The following SMARCC1 variants were observed in gnomAD, a reference collection of about 807,000 sequenced individuals.
The protein encoded by SMARCC1 is SWI/SNF related BAF chromatin remodeling complex subunit C1.
In SMARCC1, 43 loss-of-function variants were observed where a neutral mutation model predicts 147.4. That is an observed-to-expected ratio of 0.29 (90% CI 0.23 to 0.38). The LOEUF (loss-of-function observed/expected upper bound fraction) is 0.38, where lower values mean the gene tolerates loss of function less well. Ranked by LOEUF, SMARCC1 falls within the 10% of genes least tolerant of loss-of-function variation. The pLI is 1.00. For missense variants in SMARCC1, 1,119 were observed against 1,381.1 expected, an observed-to-expected ratio of 0.81 and a Z score of 3.01; for synonymous variants, 495 against 484.4, an observed-to-expected ratio of 1.02 and a Z score of -0.29.
chr3:47,765,428 A>T (rs2034827530), intron 2 of SMARCC1, among the ~76,000 whole-genome samples: 1 of 152,108 alleles, frequency 6.6e-6, no homozygotes, highest in Non-Finnish European at 1.5e-5. Flanking sequence ...AATTTATTTT[A>T]CTCACTTTCT....
chr3:47,665,503 G>A (rs1051795104), intron 19 of SMARCC1, among the ~76,000 whole-genome samples: 9 of 151,506 alleles, frequency 5.9e-5, no homozygotes, highest in African/African-American at 1.9e-4. Flanking sequence ...TGTTCCTTTC[G>A]CCAGGGAACA....
rs539176273 is a variant in SMARCC1 at position 47,721,778 on chromosome 3, G to A, written c.647-1043C>T. 2.9e-4 allele frequency among the ~76,000 whole-genome samples: 44 copies of A among 152,122 alleles called. 1 individual carries two copies. Among genetic ancestry groups the A allele is most frequent in the Non-Finnish European group, 1.2e-4 (8 of 68,006 alleles). The stretch of plus-strand genomic sequence containing the variant: ...GTAATCCCAGCACTTTTGGAGGCAG[G>A]GGCAGGAAGATCACTTGAGCCCAGG... On this transcript the variant is annotated intron_variant, in intron 6 of 27. Coordinates refer to ENST00000254480, the MANE Select transcript of SMARCC1 (RefSeq NM_003074.4).
At chr3:47,689,958 T>C (rs1035837438) in intron 12 of SMARCC1, among the ~76,000 whole-genome samples, 1 of 152,056 alleles carries the variant, frequency 6.6e-6, no homozygotes. Flanking sequence ...AGGAAAGAGG[T>C]AGTATTAAAG....
In SMARCC1 at chr3:47,587,260, A is replaced by C. The variant is rs1467731172; in HGVS notation, c.*949T>G. ...TTTTTTTCTTTTAAAGGGTTTTTTAAAGAGGGAGAAAAAAATGCACACAAA... is the reference window on the plus strand; with the variant it reads ...TTTTTTTCTTTTAAAGGGTTTTTTACAGAGGGAGAAAAAAATGCACACAAA... On this transcript the variant is annotated 3_prime_UTR_variant, in exon 28 of 28. Transcript: ENST00000254480. 6.6e-6 allele frequency: 1 copy of C among 152,600 alleles called. No individual in the cohort carries two copies. The highest frequency in any genetic ancestry group is 2.4e-5 in the African/African-American group (1 of 41,536). 9.5% of individuals were successfully genotyped at this position (152,600 alleles called of 1,614,324 possible).
In SMARCC1 at chr3:47,706,424, T is replaced by C. The variant is rs1344025921; in HGVS notation, c.1025A>G (p.Lys342Arg). ...PPPTPTESRK[K>R]SGKKGQASLY... is the part of the protein sequence containing the mutation. ...TAGTTCTTACCCTTTCTTCCCACTC[T>C]TCTTCCGTGATTCTGTTGGTGTCGG... Residue 342 changes from lysine (K) to arginine (R), a missense_variant, in exon 10 of 28, where the codon AAG becomes AGG. This residue lies in a region of SMARCC1 where 542 missense variants were observed against 611.8 expected (regional missense o/e 0.89). Coordinates refer to ENST00000254480, the MANE Select transcript of SMARCC1 (RefSeq NM_003074.4). 1 of 1,575,156 alleles carries C rather than the reference T, an allele frequency of 6.3e-7. No homozygotes were observed. The highest frequency in any genetic ancestry group is 8.6e-7 in the Non-Finnish European group (1 of 1,165,512).
Position 47,758,787 on chromosome 3 carries a change from G to C in SMARCC1, c.316-12794C>G, listed in dbSNP as rs572401458. ...CGGTGGCTCAGGCCTGTAATCCTAC[G>C]TTTTGGGAGGCTGAGGTGGGTGGAT... On this transcript the variant is annotated intron_variant, in intron 2 of 27. Coordinates refer to ENST00000254480, the MANE Select transcript of SMARCC1 (RefSeq NM_003074.4). 6.4e-4 allele frequency among the ~76,000 whole-genome samples: 97 copies of C among 152,020 alleles called. 1 individual carries two copies. The highest frequency in any genetic ancestry group is 1.1e-3 in the Non-Finnish European group (74 of 67,980).
intron 3 of SMARCC1, among the ~76,000 whole-genome samples, chr3:47,741,052 A>G (rs1273569652): frequency 6.6e-6 from 1 of 152,100 alleles, no homozygotes; most frequent in Non-Finnish European, 1.5e-5. Flanking sequence ...AAAAAAAGAT[A>G]AGGAACCAAA....
At position 47,670,418 on chromosome 3, in the gene SMARCC1, C is replaced by T. The variant is rs972296863; in HGVS notation, c.1899+240G>A. The T allele has an allele frequency of 1.4e-4, 70 of 495,646 alleles. No homozygotes were observed. The Admixed American group carries it at 1.4e-3, about 10-fold the overall frequency. The allele number at this position is 495,646 out of a possible 1,614,324, so 30.7% of individuals were successfully genotyped here. A position where few individuals can be genotyped will look rare whatever the true frequency, so the allele number is the denominator to read the frequency against. On this transcript the variant is annotated intron_variant, in intron 19 of 27. Coordinates refer to ENST00000254480, the MANE Select transcript of SMARCC1 (RefSeq NM_003074.4). ...TGGACAACATGGTGAAAGCCCATTGCTACAAAAAATACAAAAATTAGCCAG... is the reference window on the plus strand; with the variant it reads ...TGGACAACATGGTGAAAGCCCATTGTTACAAAAAATACAAAAATTAGCCAG...
chr3:47,602,395 T>C (rs1559623229), intron 26 of SMARCC1, among the ~76,000 whole-genome samples: 1 of 152,190 alleles, frequency 6.6e-6, no homozygotes. Context: ...CCTCCTGGGA[T>C]CAAGTGATCC....
intron 25 of SMARCC1, among the ~76,000 whole-genome samples, chr3:47,612,795 A>G (rs189332181): frequency 6.6e-6 from 1 of 152,340 alleles, no homozygotes; most frequent in Non-Finnish European, 1.5e-5. Flanking sequence ...TAAACCTGAA[A>G]GAGAACCCAG....
At chr3:47,603,730 C>G in intron 26 of SMARCC1, 1 of 251,992 alleles carries the variant, frequency 4.0e-6, no homozygotes, top group South Asian at 4.4e-5. Context: ...GAATGAAATG[C>G]AATGCTGTGT....
intron 25 of SMARCC1, among the ~76,000 whole-genome samples, chr3:47,617,528 A>AACACTT (rs1056353138): frequency 6.6e-6 from 1 of 152,222 alleles, no homozygotes; most frequent in Non-Finnish European, 1.5e-5. Context: ...ATATTTACCA[A>AACACTT]ACACTTACTA....
intron 9 of SMARCC1, among the ~76,000 whole-genome samples, chr3:47,709,396 G>C (rs1302701181): frequency 1.3e-5 from 2 of 151,958 alleles, no homozygotes; most frequent in Non-Finnish European, 2.9e-5. Context: ...TTTCAATAAA[G>C]TAAAACAGGT....
At chr3:47,778,236 T>G (rs565878006) in intron 1 of SMARCC1, among the ~76,000 whole-genome samples, 1 of 150,504 alleles carries the variant, frequency 6.6e-6, no homozygotes, top group East Asian at 1.9e-4. Context: ...CACTGACTCC[T>G]AATTAAGAAA....
chr3:47,678,371 T>C (rs1388281683), intron 15 of SMARCC1, 60 bp from the exon 16 acceptor site: 1 of 735,144 alleles, frequency 1.4e-6, no homozygotes, highest in Non-Finnish European at 2.2e-6. Context: ...ACAATGTTAC[T>C]TAGAAACTCA....
intron 24 of SMARCC1, among the ~76,000 whole-genome samples, chr3:47,629,306 A>T (rs1246797959): frequency 6.6e-6 from 1 of 152,218 alleles, no homozygotes; most frequent in Non-Finnish European, 1.5e-5. Flanking sequence ...CCTGATTTAC[A>T]TAAGATCCGA....
intron 21 of SMARCC1, among the ~76,000 whole-genome samples, chr3:47,653,104 C>A (rs2033213801): frequency 6.6e-6 from 1 of 151,972 alleles, no homozygotes; most frequent in South Asian, 2.1e-4. Flanking sequence ...ACTACAGGCG[C>A]CCGCCACCGC....
At chr3:47,733,044 A>T (rs2034394412) in intron 5 of SMARCC1, among the ~76,000 whole-genome samples, 1 of 151,694 alleles carries the variant, frequency 6.6e-6, no homozygotes, top group Non-Finnish European at 1.5e-5. Flanking sequence ...GAGGTGGAGG[A>T]TGCAGTGAGC....
intron 26 of SMARCC1, among the ~76,000 whole-genome samples, chr3:47,607,210 G>A (rs752336007): frequency 3.3e-4 from 50 of 152,082 alleles, no homozygotes; most frequent in African/African-American, 1.1e-3. Flanking sequence ...AACTTCTAAG[G>A]CTATCTCCAC....
Sources: allele counts gnomAD v4.1 joint callset (sites outside exome capture counted in the v4.1 genomes callset), GRCh38; gene constraint gnomAD v4.1.1; regional missense constraint gnomAD v4.1.1; transcripts MANE v1.5; gene names NCBI Gene and HGNC (gene_info 2026-07-23, HGNC 2026-07-21).